CDH2: variants seen among roughly 807,000 people sequenced by gnomAD.
CDH2 encodes the protein cadherin 2, also known as cadherin-2.
In CDH2, 17 loss-of-function variants were observed where a neutral mutation model predicts 92.0. That is an observed-to-expected ratio of 0.18 (90% CI 0.13 to 0.28). The LOEUF is 0.28. Ranked by LOEUF, CDH2 falls within the 10% of genes least tolerant of loss-of-function variation. CDH2 has a pLI of 1.00. For missense variants in CDH2, 862 were observed against 1,133.1 expected (o/e 0.76, Z 3.44); for synonymous variants, 419 against 415.9 (o/e 1.01, Z -0.09).
intron 4 of CDH2, among the ~76,000 whole-genome samples, chr18:28,011,533 T>C (rs1416676314): frequency 1.3e-5 from 2 of 152,110 alleles, no homozygotes; most frequent in Non-Finnish European, 2.9e-5. Context: ...TAGGGGTGTG[T>C]GTGTTATGAG....
At chr18:28,059,662 C>T (rs2014361873) in intron 2 of CDH2, among the ~76,000 whole-genome samples, 1 of 152,178 alleles carries the variant, frequency 6.6e-6, no homozygotes, top group African/African-American at 2.4e-5. Context: ...GAATAAAAGC[C>T]AGTTAAGATC....
chr18:27,946,629 G>A (rs1400662023), downstream of CDH2, among the ~76,000 whole-genome samples: 1 of 151,926 alleles, frequency 6.6e-6, no homozygotes, highest in Non-Finnish European at 1.5e-5. Flanking sequence ...TAGGAAAAAT[G>A]GCAATCTTCC....
At chr18:28,083,381 G>A (rs978648835) in intron 2 of CDH2, among the ~76,000 whole-genome samples, 1 of 152,110 alleles carries the variant, frequency 6.6e-6, no homozygotes, top group African/African-American at 2.4e-5. Context: ...TAGCACTGTT[G>A]TGCCAGGAAA....
intron 2 of CDH2, among the ~76,000 whole-genome samples, chr18:28,136,095 CTTAAT>C (rs1390057493): frequency 2.0e-5 from 3 of 152,176 alleles, no homozygotes; most frequent in Non-Finnish European, 2.9e-5. Flanking sequence ...TCTGAGAATA[CTTAAT>C]TTAAAGTTAA....
At chr18:28,157,926 G>A (rs1362198530) in intron 1 of CDH2, among the ~76,000 whole-genome samples, 1 of 152,152 alleles carries the variant, frequency 6.6e-6, no homozygotes, top group Non-Finnish European at 1.5e-5. Context: ...ATCATGGCTA[G>A]TATGTTAATT....
chr18:28,080,569 A>AT (rs1238251686), intron 2 of CDH2, among the ~76,000 whole-genome samples: 1 of 152,256 alleles, frequency 6.6e-6, no homozygotes, highest in African/African-American at 2.4e-5. Flanking sequence ...TTATCAAAAA[A>AT]TGCTGAAATA....
chr18:27,945,323 A>ATTTTTTTTTTTTTTTT lies in CDH2; in HGVS notation c.1152-12215_1152-12200dup, dbSNP rs66537834. On this transcript the variant is annotated intron_variant, in intron 6 of 6. Coordinates refer to the CDH2 transcript ENST00000675173. ...CAACTGATACTTTCCAGGAAGGAAG[A>ATTTTTTTTTTTTTTTT]TTTTTTTTTTTTTTTTTTTTTTTTT... Among the ~76,000 whole-genome samples the ATTTTTTTTTTTTTTTT allele has an allele frequency of 1.4e-4, 9 of 66,460 alleles. 1 individual carries two copies. The highest frequency in any genetic ancestry group is 4.1e-4 in the African/African-American group (7 of 16,966). The allele number at this position is 66,460 out of a possible 152,430, so 43.6% of individuals were successfully genotyped here. A position where few individuals can be genotyped will look rare whatever the true frequency, so the allele number is the denominator to read the frequency against.
At chr18:28,078,317 A>G (rs1437326074) in intron 2 of CDH2, among the ~76,000 whole-genome samples, 1 of 151,790 alleles carries the variant, frequency 6.6e-6, no homozygotes, top group Non-Finnish European at 1.5e-5. Context: ...ATATATAAGC[A>G]AAGTAGTGAT....
chr18:27,968,770 T>G (rs985719959), intron 14 of CDH2, among the ~76,000 whole-genome samples: 1 of 152,212 alleles, frequency 6.6e-6, no homozygotes, highest in Non-Finnish European at 1.5e-5. Context: ...TTAAAAATGT[T>G]TCAAGACTGA....
intron 6 of CDH2, among the ~76,000 whole-genome samples, chr18:27,940,773 C>A (rs1054872793): frequency 6.6e-6 from 1 of 152,104 alleles, no homozygotes; most frequent in Non-Finnish European, 1.5e-5. Context: ...CTTCAAAGGA[C>A]AAAATAGCAG....
chr18:28,118,473 C>A (rs185131634), intron 2 of CDH2, among the ~76,000 whole-genome samples: 175 of 152,162 alleles, frequency 1.2e-3, no homozygotes, highest in African/African-American at 3.9e-3. Flanking sequence ...TTCCACAGTT[C>A]TCATTAAAAA....
At chr18:28,014,160 C>T (rs368549901) in intron 2 of CDH2, among the ~76,000 whole-genome samples, 1 of 152,240 alleles carries the variant, frequency 6.6e-6, no homozygotes, top group East Asian at 1.9e-4. Flanking sequence ...ACTTCCTGGA[C>T]ACTGGGTCCT....
chr18:28,148,321 T>C (rs1027240438), intron 1 of CDH2, among the ~76,000 whole-genome samples: 1 of 152,182 alleles, frequency 6.6e-6, no homozygotes, highest in Non-Finnish European at 1.5e-5. Flanking sequence ...AAACTATATA[T>C]TTATTTCTAT....
intron 2 of CDH2, among the ~76,000 whole-genome samples, chr18:28,130,364 G>A (rs907267451): frequency 6.6e-6 from 1 of 152,154 alleles, no homozygotes; most frequent in Non-Finnish European, 1.5e-5. Context: ...ACGCATTATT[G>A]CTATAATTTA....
chr18:28,031,736 G>A lies in CDH2; in HGVS notation c.173-17827C>T, dbSNP rs1043961292. On this transcript the variant is annotated intron_variant, in intron 2 of 15. Transcript: ENST00000269141. ...GAACTTGGAAAGCCAGGCAGGAGAC[G>A]AAATCCATGTTAAAAATAAGAGATT... Among the ~76,000 whole-genome samples, 7 of 152,186 alleles carry A rather than the reference G, an allele frequency of 4.6e-5. No individual in the cohort carries two copies. The East Asian group carries it at 1.2e-3, about 25-fold the overall frequency.
At chr18:28,070,229 T>C (rs949251072) in intron 2 of CDH2, among the ~76,000 whole-genome samples, 1 of 152,212 alleles carries the variant, frequency 6.6e-6, no homozygotes, top group Non-Finnish European at 1.5e-5. Context: ...ATAGAAAGTA[T>C]AGTATTTTCA....
chr18:28,022,695 CA>C (rs2013443551), intron 2 of CDH2, among the ~76,000 whole-genome samples: 1 of 152,044 alleles, frequency 6.6e-6, no homozygotes, highest in African/African-American at 2.4e-5. Flanking sequence ...AAATGTTTTT[CA>C]AAATTTTTCC....
chr18:28,068,163 C>T (rs1377822383), intron 2 of CDH2, among the ~76,000 whole-genome samples: 1 of 152,196 alleles, frequency 6.6e-6, no homozygotes, highest in South Asian at 2.1e-4. Context: ...TGAGTCCATA[C>T]AAATCAGCCT....
chr18:28,111,861 A>G (rs1264204136), intron 2 of CDH2, among the ~76,000 whole-genome samples: 1 of 152,206 alleles, frequency 6.6e-6, no homozygotes, highest in African/African-American at 2.4e-5. Context: ...AAGAATAAAT[A>G]ACAAGAAAAA....
Sources: gnomAD v4.1 joint callset for allele counts (sites outside exome capture counted in the v4.1 genomes callset) on GRCh38, gnomAD v4.1.1 for gene constraint, MANE v1.5 for transcripts, NCBI Gene and HGNC (gene_info 2026-07-23, HGNC 2026-07-21) for gene names.